The following PTPRF variants were observed in gnomAD, a reference collection of about 807,000 sequenced individuals.
PTPRF encodes the protein protein tyrosine phosphatase receptor type F, also known as receptor-type tyrosine-protein phosphatase F.
PTPRF carries 59 observed loss-of-function variants against 201.8 expected under a neutral mutation model. The observed-to-expected ratio is 0.29, with a 90% CI of 0.24 to 0.36. The LOEUF (loss-of-function observed/expected upper bound fraction) is 0.36. Ranked by LOEUF, PTPRF falls within the 10% of genes least tolerant of loss-of-function variation. The pLI, the probability that PTPRF is intolerant of heterozygous loss-of-function variation, is 1.00. For synonymous variants in PTPRF, 1,088 were observed against 1,089.7 expected, an observed-to-expected ratio of 1.00 and a Z score of 0.03; for missense variants, 2,132 against 2,690.5, an observed-to-expected ratio of 0.79 and a Z score of 4.59.
chr1:43,580,766 A>G (rs1421741228), intron 7 of PTPRF, among the ~76,000 whole-genome samples: 1 of 152,254 alleles, frequency 6.6e-6, no homozygotes, highest in African/African-American at 2.4e-5. Flanking sequence ...AGCTCTGCTC[A>G]CAAGACTGTA....
chr1:43,528,073 G>A (rs768539918), upstream of PTPRF, among the ~76,000 whole-genome samples: 5 of 152,246 alleles, frequency 3.3e-5, no homozygotes, highest in Non-Finnish European at 7.3e-5. Flanking sequence ...AGGTCAGGGA[G>A]ATAGGCACAG....
intron 5 of PTPRF, among the ~76,000 whole-genome samples, chr1:43,556,019 G>C (rs1645344981): frequency 1.3e-5 from 2 of 152,278 alleles, no homozygotes; most frequent in Non-Finnish European, 2.9e-5. Flanking sequence ...CTGCCAAGCA[G>C]GGCAGAAGAG....
chr1:43,612,931 C>A (rs3791151), intron 22 of PTPRF: 233,668 of 778,984 alleles, frequency 0.3, 38,755 homozygotes, highest in Non-Finnish European at 0.34. Context: ...TCTTCTCCCC[C>A]AATCCCACTG....
intron 7 of PTPRF, among the ~76,000 whole-genome samples, chr1:43,584,555 C>T (rs926873874): frequency 6.6e-6 from 1 of 152,126 alleles, no homozygotes; most frequent in Non-Finnish European, 1.5e-5. Context: ...CCTTCCCCCA[C>T]CCCACCCTAT....
Position 43,554,723 on chromosome 1 carries a change from T to C in PTPRF, c.379+782T>C, listed in dbSNP as rs2842183. 0.28 allele frequency among the ~76,000 whole-genome samples: 43,203 copies of C among 151,952 alleles called. 6,611 individuals carry two copies. The highest frequency in any genetic ancestry group is 0.41 in the South Asian group (1,996 of 4,816). On this transcript the variant is annotated intron_variant, in intron 5 of 33. Transcript: ENST00000359947. This position sits in a 1 kb window ranked among gnomAD's most constrained non-coding sequence, Gnocchi z 4.1. ...AGAAATGAACACTCTCCTAGGGACA[T>C]AGGAAGCCACAAACAAGGCGGGGGT...
intron 11 of PTPRF, among the ~76,000 whole-genome samples, chr1:43,594,110 G>A (rs1001227852): frequency 1.4e-4 from 21 of 152,190 alleles, no homozygotes; most frequent in African/African-American, 4.1e-4. Context: ...GCCCTGTACC[G>A]TGCATGGGGC....
intron 11 of PTPRF, among the ~76,000 whole-genome samples, chr1:43,594,271 A>G (rs12096840): frequency 0.03 from 8 of 266 alleles, no homozygotes; most frequent in South Asian, 0.062. Flanking sequence ...AGGCCTTGGG[A>G]AAGTGTCACC....
In PTPRF at chr1:43,540,228, G is replaced by A. The variant is rs150659479; in HGVS notation, c.-46+1951G>A. Among the ~76,000 whole-genome samples, 517 of 152,244 alleles carry A rather than the reference G, an allele frequency of 3.4e-3. 1 individual carries two copies. Among genetic ancestry groups the A allele is most frequent in the African/African-American group, 0.012 (480 of 41,538 alleles). On this transcript the variant is annotated intron_variant, in intron 2 of 33. Coordinates refer to ENST00000359947, the MANE Select transcript of PTPRF (RefSeq NM_002840.5). ...TCGACAATCAAAAATGTCTCCAGTC[G>A]TTGCGTAATGTCCCATGGGGGCAAA...
intron 7 of PTPRF, among the ~76,000 whole-genome samples, chr1:43,582,814 C>G (rs1248987648): frequency 1.3e-5 from 2 of 152,250 alleles, no homozygotes; most frequent in Non-Finnish European, 2.9e-5. Context: ...CGGCCCCACC[C>G]TCGGCCTCCC....
intron 18 of PTPRF, 23 bp downstream of exon 18, chr1:43,605,466 G>A (rs780978538): frequency 1.7e-5 from 28 of 1,610,712 alleles, no homozygotes; most frequent in Non-Finnish European, 2.2e-5. Flanking sequence ...GGTATCGGGG[G>A]AGGCGGGGCA....
intron 5 of PTPRF, among the ~76,000 whole-genome samples, chr1:43,567,063 A>C (rs1328740697): frequency 2.0e-5 from 3 of 152,106 alleles, no homozygotes; most frequent in African/African-American, 7.2e-5. Flanking sequence ...CTGCGGGTGG[A>C]GATGAAGGCC....
intron 5 of PTPRF, among the ~76,000 whole-genome samples, chr1:43,568,671 C>T (rs1223121469): frequency 6.6e-6 from 1 of 152,160 alleles, no homozygotes; most frequent in Non-Finnish European, 1.5e-5. Context: ...CTTGTGCTTC[C>T]AAGGGGTGGA....
chr1:43,576,333 T>TG (rs34058671), intron 6 of PTPRF, among the ~76,000 whole-genome samples: 8,197 of 152,298 alleles, frequency 0.054, 341 homozygotes, highest in East Asian at 0.16. Flanking sequence ...CAGTCTCTTT[T>TG]GGGGGGACCT....
At chr1:43,611,281 C>T (rs1338520411) in intron 22 of PTPRF, among the ~76,000 whole-genome samples, 1 of 152,218 alleles carries the variant, frequency 6.6e-6, no homozygotes, top group Non-Finnish European at 1.5e-5. Flanking sequence ...CACCAGGATG[C>T]TGGGACCTGG....
At chr1:43,549,576 C>T (rs544029306) in intron 3 of PTPRF, among the ~76,000 whole-genome samples, 6 of 152,274 alleles carry the variant, frequency 3.9e-5, no homozygotes, top group South Asian at 4.1e-4. Flanking sequence ...GTAAAGAAGC[C>T]GGGTGTGGTG....
intron 21 of PTPRF, among the ~76,000 whole-genome samples, chr1:43,608,634 C>T (rs532208541): frequency 2.1e-4 from 32 of 152,342 alleles, no homozygotes; most frequent in Non-Finnish European, 2.8e-4. Context: ...AACCATCACC[C>T]GGCTCCCAGT....
chr1:43,547,945 C>T (rs188831985), intron 3 of PTPRF, among the ~76,000 whole-genome samples: 5 of 152,290 alleles, frequency 3.3e-5, no homozygotes, highest in Admixed American at 3.3e-4. Flanking sequence ...GTGCGTGTCG[C>T]GTGCCTGTCT....
At chr1:43,612,346 G>A (rs747523348) in intron 22 of PTPRF, among the ~76,000 whole-genome samples, 2 of 152,224 alleles carry the variant, frequency 1.3e-5, no homozygotes, top group Admixed American at 6.5e-5. Context: ...AGGAGGCAAT[G>A]AGCAGGGCAC....
chr1:43,551,514 GC>G (rs1270802106), intron 3 of PTPRF, among the ~76,000 whole-genome samples: 3 of 152,072 alleles, frequency 2.0e-5, no homozygotes, highest in African/African-American at 7.2e-5. Flanking sequence ...CCCTGAGCTG[GC>G]TGCCCGAGCC....
Sources: gnomAD v4.1 joint callset for allele counts (sites outside exome capture counted in the v4.1 genomes callset) on GRCh38, gnomAD v4.1.1 for gene constraint, Gnocchi (gnomAD v3.1) non-coding constraint, MANE v1.5 for transcripts, NCBI Gene and HGNC (gene_info 2026-07-23, HGNC 2026-07-21) for gene names.